SCEL: variants seen among roughly 807,000 people sequenced by gnomAD.
The protein encoded by SCEL is sciellin.
In SCEL, 113 loss-of-function variants were observed where a neutral mutation model predicts 117.6. The ratio of observed to expected loss-of-function variants is 0.96; its 90% CI spans 0.83 to 1.12. SCEL has a LOEUF of 1.12. Ranked by LOEUF, SCEL falls within the 50% of genes most tolerant of loss-of-function variation. SCEL has a pLI of 0.00. For synonymous variants in SCEL, 270 were observed against 256.2 expected, an observed-to-expected ratio of 1.05 and a Z score of -0.51; for missense variants, 785 against 810.8, an observed-to-expected ratio of 0.97 and a Z score of 0.39.
At chr13:77,565,549 A>T (rs1400755805) in intron 5 of SCEL, among the ~76,000 whole-genome samples, 2 of 152,244 alleles carry the variant, frequency 1.3e-5, no homozygotes, top group Non-Finnish European at 2.9e-5. Flanking sequence ...AGGGGTTAGT[A>T]AAGAAAGGCA....
intron 12 of SCEL, 99 bp from the exon 13 acceptor site, chr13:77,597,446 T>C: frequency 1.6e-6 from 1 of 636,812 alleles, no homozygotes; most frequent in Non-Finnish European, 2.8e-6. Flanking sequence ...AAAAGTGGGA[T>C]GTGTTGTATT....
At chr13:77,609,547 G>A (rs548585738) in intron 21 of SCEL, among the ~76,000 whole-genome samples, 1 of 152,218 alleles carries the variant, frequency 6.6e-6, no homozygotes, top group South Asian at 2.1e-4. Context: ...ATTGCACGAG[G>A]AGCTCTCCCA....
intron 27 of SCEL, among the ~76,000 whole-genome samples, 199 bp from the exon 28 acceptor site, chr13:77,627,748 A>C (rs1425728249): frequency 2.6e-5 from 4 of 152,076 alleles, no homozygotes. Flanking sequence ...TCTCTTTCAC[A>C]ATGTAATCCA....
chr13:77,602,772 A>G, intron 17 of SCEL, 59 bp downstream of exon 17: 1 of 1,426,538 alleles, frequency 7.0e-7, no homozygotes, highest in South Asian at 1.2e-5. Flanking sequence ...TAATTATGTG[A>G]TATTGAGGGC....
At chr13:77,591,624 T>C (rs1332652100) in intron 11 of SCEL, among the ~76,000 whole-genome samples, 164 bp downstream of exon 11, 1 of 152,212 alleles carries the variant, frequency 6.6e-6, no homozygotes, top group African/African-American at 2.4e-5. Flanking sequence ...TTCAGAATTT[T>C]GTTCCTTTTA....
intron 1 of SCEL, among the ~76,000 whole-genome samples, chr13:77,548,720 A>G (rs2084132815): frequency 6.6e-6 from 1 of 152,104 alleles, no homozygotes; most frequent in African/African-American, 2.4e-5. Context: ...ATCTCATGGG[A>G]TCTGATGGCT....
Position 77,599,743 on chromosome 13 carries a change from C to G in SCEL, c.912C>G (p.Gly304=). The stretch of plus-strand genomic sequence containing the variant: ...TGAGTACCCGGACAGATAAAGATGG[C>G]AAAGGGTAAGATTTTATTAAGACAG... The part of the protein sequence containing the change: ...IYMSTRTDKD[G]KGIQSLGSPI... Residue 304 remains glycine (G), a synonymous_variant, in exon 15 of 33, where the codon GGC becomes GGG. Transcript: ENST00000349847. 1 of 1,606,826 alleles carries G rather than the reference C, an allele frequency of 6.2e-7. No individual in the cohort carries two copies. Among genetic ancestry groups the G allele is most frequent in the Non-Finnish European group, 8.5e-7 (1 of 1,173,432 alleles).
Position 77,604,368 on chromosome 13 carries a change from T to G in SCEL, c.1110T>G (p.Leu370=), listed in dbSNP as rs746133643. ...TCCTTTTTCAAAGAAAAAAAGACCT[T>G]GATGGGCTTATTAAAGTGGATCCTG... The part of the protein sequence containing the change: ...GHENTTGKKD[L]DGLIKVDPET... Residue 370 remains leucine, a synonymous_variant, in exon 19 of 33, where the codon CTT becomes CTG. Coordinates refer to ENST00000349847, the MANE Select transcript of SCEL (RefSeq NM_144777.3). 1 of 1,577,384 alleles carries G rather than the reference T, an allele frequency of 6.3e-7. No homozygotes were observed. Among genetic ancestry groups the G allele is most frequent in the South Asian group, 1.2e-5 (1 of 84,278 alleles).
chr13:77,608,232 T>C, intron 20 of SCEL, 117 bp downstream of exon 20: 1 of 677,610 alleles, frequency 1.5e-6, no homozygotes, highest in Non-Finnish European at 2.5e-6. Flanking sequence ...ACCCCATTAC[T>C]TACCAGCTTG....
intron 1 of SCEL, among the ~76,000 whole-genome samples, chr13:77,536,814 A>G (rs1052513651): frequency 2.0e-5 from 3 of 152,160 alleles, no homozygotes; most frequent in African/African-American, 7.2e-5. Flanking sequence ...ATGGCTTCCT[A>G]TTGCTGACAA....
At chr13:77,586,620 C>T (rs1288814562) in intron 9 of SCEL, among the ~76,000 whole-genome samples, 1 of 152,154 alleles carries the variant, frequency 6.6e-6, no homozygotes, top group South Asian at 2.1e-4. Context: ...ATCCAACTCT[C>T]AGTCTATTCT....
At chr13:77,550,631 T>A (rs1048864013) in intron 1 of SCEL, among the ~76,000 whole-genome samples, 10 of 152,126 alleles carry the variant, frequency 6.6e-5, no homozygotes, top group Non-Finnish European at 2.9e-5. Context: ...TCCTCTTCCG[T>A]GTCTGGCTTC....
intron 9 of SCEL, among the ~76,000 whole-genome samples, chr13:77,579,096 T>C (rs2086121571): frequency 6.6e-6 from 1 of 152,208 alleles, no homozygotes; most frequent in Non-Finnish European, 1.5e-5. Flanking sequence ...TGTGGGTCGA[T>C]GGATTCTACC....
chr13:77,583,920 G>A (rs966569327), intron 9 of SCEL, among the ~76,000 whole-genome samples: 1 of 152,206 alleles, frequency 6.6e-6, no homozygotes, highest in Non-Finnish European at 1.5e-5. Context: ...TCTTTACAGT[G>A]TTATTTCTTT....
chr13:77,551,074 G>A (rs2084291245), intron 1 of SCEL, among the ~76,000 whole-genome samples: 1 of 152,200 alleles, frequency 6.6e-6, no homozygotes, highest in African/African-American at 2.4e-5. Context: ...CTCCTGATGG[G>A]CATTAGTGCT....
chr13:77,538,964 G>A (rs1376295442), intron 1 of SCEL, among the ~76,000 whole-genome samples: 1 of 152,210 alleles, frequency 6.6e-6, no homozygotes, highest in East Asian at 1.9e-4. Flanking sequence ...TCTGTATGGA[G>A]AGCTAATTTT....
At position 77,563,860 on chromosome 13, in the gene SCEL, C is replaced by G. The variant is rs2085130461; in HGVS notation, c.251C>G (p.Ala84Gly). 1.3e-6 allele frequency: 2 copies of G among 1,599,398 alleles called. No individual in the cohort carries two copies. Among genetic ancestry groups the G allele is most frequent in the Non-Finnish European group, 1.7e-6 (2 of 1,175,422 alleles). Reference sequence around the variant, plus strand: ...GTAAATGAGAGAGATGTGCCAAAAGCTACAATTAGTCGGTACAGTTCTGAT... The same window carrying G: ...GTAAATGAGAGAGATGTGCCAAAAGGTACAATTAGTCGGTACAGTTCTGAT... ...RKVNERDVPK[A>G]TISRYSSDDT... Residue 84 changes from alanine (A) to glycine (G), a missense_variant, in exon 5 of 33, where the codon GCT becomes GGT. By Grantham distance (60) the Ala-to-Gly change is moderately conservative. Transcript: ENST00000349847.
chr13:77,608,161 T>A, intron 20 of SCEL, 46 bp downstream of exon 20: 1 of 1,445,420 alleles, frequency 6.9e-7, no homozygotes, highest in South Asian at 1.2e-5. Context: ...CCCCATCCAT[T>A]TGTGGCACTC....
At chr13:77,545,161 G>A (rs1323053452) in intron 1 of SCEL, among the ~76,000 whole-genome samples, 1 of 152,178 alleles carries the variant, frequency 6.6e-6, no homozygotes, top group Non-Finnish European at 1.5e-5. Flanking sequence ...TAATCAGTAG[G>A]CATATGTACT....
Sources: gnomAD v4.1 joint callset for allele counts (sites outside exome capture counted in the v4.1 genomes callset) on GRCh38, gnomAD v4.1.1 for gene constraint, MANE v1.5 for transcripts, NCBI Gene and HGNC (gene_info 2026-07-23, HGNC 2026-07-21) for gene names.